Variants in NSUN3 observed in about 807,000 individuals in gnomAD.
The protein encoded by NSUN3 is NOP2/Sun RNA methyltransferase 3.
In NSUN3, 24 loss-of-function variants were observed where a neutral mutation model predicts 36.8. That is an observed-to-expected ratio of 0.65 (90% confidence interval 0.47 to 0.92). The LOEUF is 0.92. Ranked by LOEUF, NSUN3 falls within the 40% of genes least tolerant of loss-of-function variation. NSUN3 has a pLI of 0.00. For synonymous variants in NSUN3, 146 were observed against 145.2 expected, an observed-to-expected ratio of 1.01 and a Z score of -0.04; for missense variants, 381 against 392.8, an observed-to-expected ratio of 0.97 and a Z score of 0.25.
chr3:94,126,446 T>A lies in NSUN3; in HGVS notation c.979T>A (p.Tyr327Asn). The A allele has an allele frequency of 6.2e-7, 1 of 1,611,788 alleles. No homozygotes were observed. Among genetic ancestry groups the A allele is most frequent in the Non-Finnish European group, 8.5e-7 (1 of 1,177,926 alleles). The stretch of plus-strand genomic sequence containing the variant: ...TAAGGGCAAAGCCTGGGGCCCAATG[T>A]ATGTAGCCAAATTGAAGAAATCATG... ...PDKGKAWGPM[Y>N]VAKLKKSWST... The change falls in exon 6 of 6, where the codon TAT becomes AAT. Residue 327 changes from tyrosine to asparagine, a missense_variant. Transcript: ENST00000314622.
rs139149673 is a variant in NSUN3, at chr3:94,113,310, T to C, written c.744-12901T>C. On this transcript the variant is annotated intron_variant, in intron 5 of 5. Coordinates refer to ENST00000314622, the MANE Select transcript of NSUN3 (RefSeq NM_022072.5). Reference sequence around the variant, plus strand: ...CTATAGAACTATATTGCCTGGATTTTAATCCTGGTTTGGACATTTCCAGAG... The same window carrying C: ...CTATAGAACTATATTGCCTGGATTTCAATCCTGGTTTGGACATTTCCAGAG... 3.9e-5 allele frequency among the ~76,000 whole-genome samples: 6 copies of C among 152,356 alleles called. No individual in the cohort carries two copies. The East Asian group carries it at 1.2e-3, about 29-fold the overall frequency.
chr3:94,069,683 C>G lies in NSUN3; in HGVS notation c.122+5137C>G, dbSNP rs550445260. ...CGAAATGATACATTATACAGTTTTG[C>G]AAAATTTTAACTTAACTAGCTTTTA... is the stretch of plus-strand genomic sequence containing the variant. On this transcript the variant is annotated intron_variant, in intron 2 of 5. Transcript: ENST00000314622. Among the ~76,000 whole-genome samples the G allele has an allele frequency of 2.6e-5, 4 of 152,272 alleles. No individual in the cohort carries two copies. The East Asian group carries it at 7.7e-4, about 29-fold the overall frequency.
At chr3:94,083,576 G>C (rs540229619) in intron 2 of NSUN3, among the ~76,000 whole-genome samples, 1 of 152,180 alleles carries the variant, frequency 6.6e-6, no homozygotes, top group Non-Finnish European at 1.5e-5. Flanking sequence ...ACAGCAACCA[G>C]AGACTAAAGT....
intron 2 of NSUN3, 132 bp downstream of exon 2, chr3:94,064,678 A>G (rs1260770717): frequency 7.0e-6 from 4 of 572,184 alleles, no homozygotes; most frequent in African/African-American, 1.9e-5. Context: ...TACTGAAGCT[A>G]TAGAAAGGAA....
intron 2 of NSUN3, chr3:94,082,241 A>G (rs2107245400): frequency 6.6e-6 from 1 of 152,312 alleles, no homozygotes; most frequent in African/African-American, 2.4e-5. Context: ...GTTTTAAAGC[A>G]GTCTCCCCCA....
intron 2 of NSUN3, among the ~76,000 whole-genome samples, chr3:94,080,247 G>T (rs1032562265): frequency 1.3e-5 from 2 of 152,178 alleles, no homozygotes; most frequent in East Asian, 3.9e-4. Flanking sequence ...AGCGGAGGCT[G>T]CAGAACAGCA....
At chr3:94,119,645 C>T (rs2077453606) in intron 5 of NSUN3, among the ~76,000 whole-genome samples, 1 of 152,196 alleles carries the variant, frequency 6.6e-6, no homozygotes, top group African/African-American at 2.4e-5. Flanking sequence ...AGATAATTCT[C>T]AGAGTAGAAA....
chr3:94,103,940 A>G (rs1169265180), intron 5 of NSUN3, among the ~76,000 whole-genome samples: 1 of 152,230 alleles, frequency 6.6e-6, no homozygotes, highest in Non-Finnish European at 1.5e-5. Flanking sequence ...AAGGCAGGTG[A>G]CCCAATTAAA....
chr3:94,121,139 A>C (rs1455806752), intron 5 of NSUN3, among the ~76,000 whole-genome samples: 1 of 152,214 alleles, frequency 6.6e-6, no homozygotes, highest in Non-Finnish European at 1.5e-5. Flanking sequence ...TCTGGAGGTC[A>C]GAAGTCCAAA....
At chr3:94,123,304 T>C (rs2077472118) in intron 5 of NSUN3, among the ~76,000 whole-genome samples, 1 of 152,228 alleles carries the variant, frequency 6.6e-6, no homozygotes, top group African/African-American at 2.4e-5. Context: ...CTTTCTTGCT[T>C]TATTTCCTCA....
chr3:94,072,970 CA>C (rs1386316925), intron 2 of NSUN3, among the ~76,000 whole-genome samples: 1 of 152,108 alleles, frequency 6.6e-6, no homozygotes, highest in African/African-American at 2.4e-5. Context: ...CACCACCCGA[CA>C]GGCCCTGATG....
rs909166833 is a variant in NSUN3, at chr3:94,063,182, G to C, written c.12+44G>C. The stretch of plus-strand genomic sequence containing the variant: ...CTGGGTACCTCTATCTGAATGAGAC[G>C]CTTCTGGACGCGGCCGAGGTGGCGA... On this transcript the variant is annotated intron_variant, in intron 1 of 5. Coordinates refer to ENST00000314622, the MANE Select transcript of NSUN3 (RefSeq NM_022072.5). The C allele has an allele frequency of 4.4e-6, 7 of 1,608,642 alleles. No individual in the cohort carries two copies. The African/African-American group carries it at 8.0e-5, about 18-fold the overall frequency.
At chr3:94,082,969 C>G (rs1423256809) in intron 2 of NSUN3, among the ~76,000 whole-genome samples, 1 of 152,302 alleles carries the variant, frequency 6.6e-6, no homozygotes, top group East Asian at 1.9e-4. Context: ...CTCTAACACC[C>G]TTTTATGATA....
intron 5 of NSUN3, among the ~76,000 whole-genome samples, chr3:94,125,145 A>C (rs77646728): frequency 0.014 from 2,097 of 152,154 alleles, 47 homozygotes; most frequent in African/African-American, 0.047. Flanking sequence ...ATCTTTGCTG[A>C]TCTGTCTGCA....
At chr3:94,072,950 C>T (rs990001942) in intron 2 of NSUN3, among the ~76,000 whole-genome samples, 13 of 152,074 alleles carry the variant, frequency 8.5e-5, no homozygotes, top group Non-Finnish European at 2.9e-5. Flanking sequence ...CTATCTGTCC[C>T]CCAGCCCCTC....
intron 3 of NSUN3, among the ~76,000 whole-genome samples, chr3:94,092,831 A>G (rs2077321121): frequency 6.8e-6 from 1 of 147,636 alleles, no homozygotes; most frequent in Non-Finnish European, 1.5e-5. Context: ...GAGGCAGGAG[A>G]ATCGCTTGAA....
chr3:94,118,059 A>G (rs2077447560), intron 5 of NSUN3, among the ~76,000 whole-genome samples: 2 of 152,204 alleles, frequency 1.3e-5, no homozygotes, highest in South Asian at 2.1e-4. Context: ...GTTAACAATA[A>G]TTTATTGTAT....
At chr3:94,109,368 G>T (rs903873958) in intron 5 of NSUN3, among the ~76,000 whole-genome samples, 2 of 152,172 alleles carry the variant, frequency 1.3e-5, no homozygotes, top group African/African-American at 4.8e-5. Flanking sequence ...CAGAAGTATT[G>T]CTAGCTATGT....
intron 5 of NSUN3, among the ~76,000 whole-genome samples, chr3:94,109,376 T>C (rs1280108631): frequency 6.6e-6 from 1 of 152,202 alleles, no homozygotes; most frequent in Admixed American, 6.5e-5. Context: ...TTGCTAGCTA[T>C]GTATCGGAGT....
Sources: allele counts gnomAD v4.1 joint callset (sites outside exome capture counted in the v4.1 genomes callset), GRCh38; gene constraint gnomAD v4.1.1; transcripts MANE v1.5; gene names NCBI Gene and HGNC (gene_info 2026-07-23, HGNC 2026-07-21).